Variants in SGK3 observed in about 807,000 individuals in gnomAD.
The protein encoded by SGK3 is serum/glucocorticoid regulated kinase family member 3, also known as serine/threonine-protein kinase Sgk3.
SGK3 carries 47 observed loss-of-function variants against 68.5 expected under a neutral mutation model. That is an observed-to-expected ratio of 0.69 (90% CI 0.54 to 0.87). The LOEUF is 0.87. Ranked by LOEUF, SGK3 falls within the 40% of genes least tolerant of loss-of-function variation. The probability of loss-of-function intolerance (pLI) is 0.00; values close to 1 mark genes in which losing one functional copy is unlikely to be tolerated. For missense variants in SGK3, 479 were observed against 575.5 expected (o/e 0.83, Z 1.72); for synonymous variants, 181 against 189.1 (o/e 0.96, Z 0.35).
Position 66,847,183 on chromosome 8 carries a change from T to C in SGK3, c.1075-10T>C, listed in dbSNP as rs760615243. The C allele has an allele frequency of 6.3e-7, 1 of 1,585,686 alleles. No individual in the cohort carries two copies. The highest frequency in any genetic ancestry group is 1.2e-5 in the South Asian group (1 of 85,548). ...ACCACTAAGTTTATTTTGCTTTTTT[T>C]TTTTTCCAGCCTCCTTTTTATTGCC... On this transcript the variant is annotated splice_polypyrimidine_tract_variant and intron_variant, in intron 14 of 16. Coordinates refer to ENST00000521198, the MANE Select transcript of SGK3 (RefSeq NM_001033578.3).
chr8:66,735,459 T>C (rs1255893477), intron 1 of SGK3, among the ~76,000 whole-genome samples: 1 of 152,220 alleles, frequency 6.6e-6, no homozygotes, highest in African/African-American at 2.4e-5. Context: ...GCGCTTTTAA[T>C]GGTTAAATTA....
At chr8:66,781,902 G>A (rs1276589700) in intron 1 of SGK3, among the ~76,000 whole-genome samples, 1 of 152,194 alleles carries the variant, frequency 6.6e-6, no homozygotes, top group Non-Finnish European at 1.5e-5. Flanking sequence ...AGTAAGGAAG[G>A]AAAACAGGAA....
chr8:66,805,608 C>T (rs1170818372), intron 4 of SGK3, among the ~76,000 whole-genome samples: 1 of 152,058 alleles, frequency 6.6e-6, no homozygotes, highest in Non-Finnish European at 1.5e-5. Flanking sequence ...TCTAGCACCT[C>T]TATGACTAAA....
intron 5 of SGK3, among the ~76,000 whole-genome samples, chr8:66,816,921 C>G (rs1808609502): frequency 6.6e-6 from 1 of 152,112 alleles, no homozygotes; most frequent in Admixed American, 6.5e-5. Flanking sequence ...ACCTCCGCTC[C>G]CTGGGCTCAA....
chr8:66,766,627 AG>A (rs948630397), intron 1 of SGK3, among the ~76,000 whole-genome samples: 3 of 152,154 alleles, frequency 2.0e-5, no homozygotes, highest in African/African-American at 7.2e-5. Flanking sequence ...TTATTATGAA[AG>A]GGGTTTTGAA....
intron 1 of SGK3, among the ~76,000 whole-genome samples, chr8:66,771,185 A>G (rs554234324): frequency 1.3e-5 from 2 of 151,020 alleles, no homozygotes; most frequent in African/African-American, 2.4e-5. Context: ...AAAAGTTTCA[A>G]CAGTCTATTA....
chr8:66,855,124 T>C (rs1357925017), intron 16 of SGK3, among the ~76,000 whole-genome samples: 2 of 152,222 alleles, frequency 1.3e-5, no homozygotes, highest in Admixed American at 6.5e-5. Flanking sequence ...AAGTGAAGAA[T>C]GCTTTTTAAA....
intron 1 of SGK3, among the ~76,000 whole-genome samples, chr8:66,792,199 C>T (rs1022330631): frequency 2.6e-5 from 4 of 151,842 alleles, no homozygotes; most frequent in African/African-American, 4.8e-5. Context: ...CGTGGTGGCA[C>T]GTGCCCGTAA....
chr8:66,803,750 AG>A (rs1279824651), intron 3 of SGK3, among the ~76,000 whole-genome samples: 1 of 149,452 alleles, frequency 6.7e-6, no homozygotes, highest in Non-Finnish European at 1.5e-5. Context: ...CCAACCTTCC[AG>A]GCTCAAGCAA....
At chr8:66,850,777 A>G in intron 15 of SGK3, 54 bp from the exon 16 acceptor site, 1 of 1,509,160 alleles carries the variant, frequency 6.6e-7, no homozygotes, top group Non-Finnish European at 9.0e-7. Context: ...TTATGCAGTT[A>G]GTACTTAATA....
chr8:66,815,527 A>G (rs1046920355), intron 5 of SGK3, among the ~76,000 whole-genome samples: 2 of 152,178 alleles, frequency 1.3e-5, no homozygotes, highest in East Asian at 1.9e-4. Flanking sequence ...ACGCTATGCT[A>G]TCTTCACCTT....
chr8:66,801,351 G>GT (rs540299929), intron 3 of SGK3, among the ~76,000 whole-genome samples: 33 of 151,994 alleles, frequency 2.2e-4, no homozygotes, highest in African/African-American at 5.1e-4. Context: ...ATTGAGATAG[G>GT]TTTTTTTTCT....
At chr8:66,774,074 C>A (rs1482291511) in intron 1 of SGK3, among the ~76,000 whole-genome samples, 3 of 152,160 alleles carry the variant, frequency 2.0e-5, no homozygotes, top group African/African-American at 7.2e-5. Flanking sequence ...TTTCCCCTCT[C>A]CTATGAGTTG....
chr8:66,814,125 G>A (rs1808488251), intron 5 of SGK3, among the ~76,000 whole-genome samples, 197 bp downstream of exon 5: 1 of 150,440 alleles, frequency 6.6e-6, no homozygotes, highest in South Asian at 2.1e-4. Flanking sequence ...TTTTCCTTTT[G>A]TACTTGCATT....
intron 1 of SGK3, among the ~76,000 whole-genome samples, chr8:66,737,019 C>T (rs1439588222): frequency 1.3e-5 from 2 of 151,952 alleles, no homozygotes; most frequent in East Asian, 1.9e-4. Context: ...TTCAAGGGCT[C>T]CTCTTGTTTT....
chr8:66,721,451 T>G (rs1237915655), intron 1 of SGK3, among the ~76,000 whole-genome samples: 2 of 152,244 alleles, frequency 1.3e-5, no homozygotes, highest in Non-Finnish European at 2.9e-5. Flanking sequence ...AAATGGATAC[T>G]AATCATGGTA....
chr8:66,839,195 C>T (rs868033088), intron 10 of SGK3, among the ~76,000 whole-genome samples: 8 of 151,794 alleles, frequency 5.3e-5, no homozygotes, highest in South Asian at 2.1e-4. Context: ...AGATTTTTGT[C>T]TTAGAAGCCA....
At chr8:66,807,514 G>T (rs1158321618) in intron 4 of SGK3, among the ~76,000 whole-genome samples, 1 of 152,244 alleles carries the variant, frequency 6.6e-6, no homozygotes, top group South Asian at 2.1e-4. Flanking sequence ...TCTATCCTGC[G>T]TATATTTAAT....
intron 1 of SGK3, among the ~76,000 whole-genome samples, chr8:66,774,053 TC>T (rs1806603771): frequency 6.6e-6 from 1 of 152,144 alleles, no homozygotes; most frequent in South Asian, 2.1e-4. Context: ...AGACAATACT[TC>T]CCTGCATCCT....
Sources: gnomAD v4.1 joint callset for allele counts (sites outside exome capture counted in the v4.1 genomes callset) on GRCh38, gnomAD v4.1.1 for gene constraint, MANE v1.5 for transcripts, NCBI Gene and HGNC (gene_info 2026-07-23, HGNC 2026-07-21) for gene names.